Variants in ACACA observed in about 807,000 individuals in gnomAD.
ACACA encodes the protein acetyl-CoA carboxylase 1.
In ACACA, 103 loss-of-function variants were observed where a neutral mutation model predicts 296.1. The observed-to-expected ratio is 0.35, with a 90% confidence interval of 0.30 to 0.41. The LOEUF (loss-of-function observed/expected upper bound fraction) is 0.41, where lower values mean the gene tolerates loss of function less well. Among genes scored for constraint, ACACA ranks in the 10% least tolerant of loss-of-function variants. ACACA has a pLI of 1.00. For synonymous variants in ACACA, 953 were observed against 1,038.6 expected, an observed-to-expected ratio of 0.92 and a Z score of 1.58; for missense variants, 1,554 against 2,989.7, an observed-to-expected ratio of 0.52 and a Z score of 11.20.
At chr17:37,295,823 G>T (rs1478073066) in intron 3 of ACACA, among the ~76,000 whole-genome samples, 1 of 152,066 alleles carries the variant, frequency 6.6e-6, no homozygotes, top group East Asian at 1.9e-4. Context: ...TACTCGGGAG[G>T]CTGAGGCATG....
rs139966737 is a variant in ACACA at position 37,301,478 on chromosome 17, C to A, written c.339-16508G>T. ...GCAGTTTACCCGGCAGACAGTGATG[C>A]ATTCGCTAGCTTGACTGCAACACAG... On this transcript the variant is annotated intron_variant, in intron 3 of 55. Transcript: ENST00000616317. 9 of 791,712 alleles carry A rather than the reference C, an allele frequency of 1.1e-5. No homozygotes were observed. In the African/African-American group the frequency reaches 1.7e-4, roughly 15 times the overall value. The allele number at this position is 791,712 out of a possible 1,614,324, so 49.0% of individuals were successfully genotyped here.
At chr17:37,282,225 C>T (rs1244197996) in intron 5 of ACACA, among the ~76,000 whole-genome samples, 1 of 152,112 alleles carries the variant, frequency 6.6e-6, no homozygotes, top group African/African-American at 2.4e-5. Context: ...AAGTGTGTGG[C>T]ACCCTCCCCA....
At chr17:37,384,759 T>C (rs1346446352) in intron 1 of ACACA, among the ~76,000 whole-genome samples, 1 of 152,232 alleles carries the variant, frequency 6.6e-6, no homozygotes, top group Non-Finnish European at 1.5e-5. Flanking sequence ...ACTGTCTTCC[T>C]GATTAAACTG....
At chr17:37,240,360 G>T in intron 24 of ACACA, 116 bp downstream of exon 24, 1 of 812,620 alleles carries the variant, frequency 1.2e-6, no homozygotes, top group Non-Finnish European at 2.1e-6. Context: ...GTTTATTAAT[G>T]GGAAGTGTTG....
At chr17:37,365,811 G>A (rs2049585647) in intron 1 of ACACA, 15 of 860,696 alleles carry the variant, frequency 1.7e-5, no homozygotes, top group Non-Finnish European at 2.1e-5. Context: ...GACTCCCCAC[G>A]ATGTTTTCAC....
chr17:37,156,499 AAATAT>A (rs1189604239), intron 42 of ACACA, among the ~76,000 whole-genome samples: 1 of 152,226 alleles, frequency 6.6e-6, no homozygotes, highest in African/African-American at 2.4e-5. Context: ...TCATCAAAAT[AAATAT>A]AAGCAAGGGA....
At chr17:37,111,260 T>C (rs1027133227) in intron 52 of ACACA, among the ~76,000 whole-genome samples, 1 of 152,102 alleles carries the variant, frequency 6.6e-6, no homozygotes, top group Non-Finnish European at 1.5e-5. Context: ...CTAATCATTC[T>C]CTACAAGGAC....
chr17:37,241,120 G>C (rs900284623), intron 23 of ACACA, among the ~76,000 whole-genome samples: 4 of 152,052 alleles, frequency 2.6e-5, no homozygotes, highest in African/African-American at 4.8e-5. Context: ...GCTTGAGCCT[G>C]GGAGGCAGAG....
chr17:37,207,891 C>T, intron 30 of ACACA, 91 bp from the exon 31 acceptor site: 1 of 1,489,482 alleles, frequency 6.7e-7, no homozygotes, highest in African/African-American at 1.4e-5. Flanking sequence ...TAGGAGAAAA[C>T]TCTGAAGTAG....
chr17:37,367,083 G>A (rs941193997), intron 1 of ACACA: 10 of 150,406 alleles, frequency 6.6e-5, no homozygotes, highest in South Asian at 2.1e-4. Context: ...GCAAGACTGC[G>A]TCTCAGAAAA....
chr17:37,264,824 T>A (rs2081677827), intron 10 of ACACA, among the ~76,000 whole-genome samples: 1 of 152,228 alleles, frequency 6.6e-6, no homozygotes, highest in South Asian at 2.1e-4. Flanking sequence ...GCAAGTCATC[T>A]CAAAACTCAG....
intron 3 of ACACA, among the ~76,000 whole-genome samples, chr17:37,305,905 T>G (rs1243405027): frequency 0.034 from 102 of 2,962 alleles, no homozygotes; most frequent in African/African-American, 0.2. Context: ...TTTTTTTTTG[T>G]TTTTTTTTTT....
chr17:37,160,919 G>C (rs1330913365), intron 42 of ACACA, among the ~76,000 whole-genome samples: 3 of 152,150 alleles, frequency 2.0e-5, no homozygotes, highest in Non-Finnish European at 4.4e-5. Context: ...GGAAAGAGAG[G>C]ATGGAGGGGG....
chr17:37,195,370 G>T lies in ACACA; in HGVS notation c.4159-1955C>A, dbSNP rs1378712879. The stretch of plus-strand genomic sequence containing the variant: ...TTAAGAAAATTTGTAGTAACTGAAA[G>T]GCATATAAAGCAGTTTGAATGGAAA... On this transcript the variant is annotated intron_variant, in intron 35 of 55. Transcript: ENST00000616317. 1.3e-5 allele frequency among the ~76,000 whole-genome samples: 2 copies of T among 151,984 alleles called. 1 individual carries two copies. Among genetic ancestry groups the T allele is most frequent in the Admixed American group, 1.3e-4 (2 of 15,264 alleles).
At chr17:37,328,946 G>A in intron 3 of ACACA, 1 of 398,610 alleles carries the variant, frequency 2.5e-6, no homozygotes, top group Non-Finnish European at 4.4e-6. Context: ...GATGAACAGT[G>A]AGAACCAAGA....
intron 39 of ACACA, among the ~76,000 whole-genome samples, chr17:37,183,555 G>A (rs867874141): frequency 3.9e-4 from 60 of 152,192 alleles, no homozygotes; most frequent in African/African-American, 1.3e-3. Flanking sequence ...AGGGCCGGGC[G>A]CAGTGGCTCA....
intron 38 of ACACA, among the ~76,000 whole-genome samples, chr17:37,188,761 T>C (rs979578502): frequency 6.6e-6 from 1 of 152,198 alleles, no homozygotes; most frequent in Admixed American, 6.5e-5. Flanking sequence ...ATATTCATAT[T>C]CTATATCAAA....
intron 3 of ACACA, among the ~76,000 whole-genome samples, chr17:37,303,568 G>A (rs2083730447): frequency 6.6e-6 from 1 of 152,052 alleles, no homozygotes; most frequent in African/African-American, 2.4e-5. Context: ...ATAAGAAAGT[G>A]TCAAATTAGC....
At chr17:37,174,524 TTTTTTCTTTTTC>T (rs941605943) in intron 41 of ACACA, among the ~76,000 whole-genome samples, 1 of 152,028 alleles carries the variant, frequency 6.6e-6, no homozygotes, top group Admixed American at 6.6e-5. Context: ...CATTCAATTT[TTTTTTCTTTTTC>T]TTTTTCTTTT....
Sources: gnomAD v4.1 joint callset for allele counts (sites outside exome capture counted in the v4.1 genomes callset) on GRCh38, gnomAD v4.1.1 for gene constraint, MANE v1.5 for transcripts, NCBI Gene and HGNC (gene_info 2026-07-23, HGNC 2026-07-21) for gene names.